The following NELL2 variants were observed in gnomAD, a reference collection of about 807,000 sequenced individuals.
NELL2 encodes protein kinase C-binding protein NELL2.
In NELL2, 41 loss-of-function variants were observed where a neutral mutation model predicts 109.6. The observed-to-expected ratio is 0.37, with a 90% CI of 0.29 to 0.49. The LOEUF (loss-of-function observed/expected upper bound fraction) is 0.49. Ranked by LOEUF, NELL2 falls within the 20% of genes least tolerant of loss-of-function variation. NELL2 has a pLI of 0.98. For missense variants in NELL2, 900 were observed against 1,008.3 expected, an observed-to-expected ratio of 0.89 and a Z score of 1.45; for synonymous variants, 355 against 344.7, an observed-to-expected ratio of 1.03 and a Z score of -0.33.
At chr12:44,678,807 A>T (rs1444766814) in intron 12 of NELL2, among the ~76,000 whole-genome samples, 1 of 152,118 alleles carries the variant, frequency 6.6e-6, no homozygotes, top group Non-Finnish European at 1.5e-5. Context: ...AAGTTGTCTG[A>T]TTTAACAATA....
chr12:44,587,284 A>AAAAAAATATATATATAT, intron 15 of NELL2, among the ~76,000 whole-genome samples: 1 of 72,216 alleles, frequency 1.4e-5, no homozygotes, highest in African/African-American at 5.1e-5. Flanking sequence ...AAAAAAAAAA[A>AAAAAAATATATATATAT]ATATATATAT....
At chr12:44,741,666 T>G (rs964672395) in intron 9 of NELL2, among the ~76,000 whole-genome samples, 12 of 152,234 alleles carry the variant, frequency 7.9e-5, no homozygotes, top group African/African-American at 2.7e-4. Flanking sequence ...ATCCCGCATC[T>G]GGCTCGGAGG....
intron 12 of NELL2, among the ~76,000 whole-genome samples, chr12:44,681,851 T>A (rs1321563791): frequency 1.3e-5 from 2 of 151,746 alleles, no homozygotes; most frequent in Non-Finnish European, 2.9e-5. Flanking sequence ...AAGTCTCTGC[T>A]ATTGTGAATA....
In NELL2 at chr12:44,607,273, A is replaced by T. The variant is rs201222854; in HGVS notation, c.1568-9T>A. On this transcript the variant is annotated splice_polypyrimidine_tract_variant and intron_variant, in intron 14 of 19. Coordinates refer to ENST00000429094, the MANE Select transcript of NELL2 (RefSeq NM_001145108.2). ...GCCATCTTTGCAAAATGCTAAAATA[A>T]TTCAGATACATGATTTTAGCACTTT... The T allele has an allele frequency of 6.2e-7, 1 of 1,608,538 alleles. No individual in the cohort carries two copies. The highest frequency in any genetic ancestry group is 8.5e-7 in the Non-Finnish European group (1 of 1,176,828).
At chr12:44,581,342 G>C (rs991830831) in intron 15 of NELL2, among the ~76,000 whole-genome samples, 4 of 152,020 alleles carry the variant, frequency 2.6e-5, no homozygotes, top group Non-Finnish European at 5.9e-5. Context: ...CTGCCCACTT[G>C]GCAAATAGAA....
chr12:44,581,025 T>C (rs1944303248), intron 15 of NELL2, among the ~76,000 whole-genome samples: 1 of 152,236 alleles, frequency 6.6e-6, no homozygotes. Context: ...ATGTAATATT[T>C]GCATGGGACA....
chr12:44,565,177 C>A (rs1015753052), intron 15 of NELL2, among the ~76,000 whole-genome samples: 2 of 152,068 alleles, frequency 1.3e-5, no homozygotes, highest in Non-Finnish European at 2.9e-5. Context: ...GAACATTCTT[C>A]CTCAGATCTG....
rs1413821693 is a variant in NELL2 at position 44,875,749 on chromosome 12, G to A, written c.55+66C>T. ...GTCCGGGAAAAGCGAGGCTTCCCCA[G>A]CCAGCCCATGCTGCCCCGAGGCGGG... On this transcript the variant is annotated intron_variant, in intron 1 of 19. Coordinates refer to ENST00000429094, the MANE Select transcript of NELL2 (RefSeq NM_001145108.2). 9.9e-6 allele frequency: 16 copies of A among 1,610,682 alleles called. No individual in the cohort carries two copies. In the Admixed American group the frequency reaches 1.2e-4, roughly 12 times the overall value.
intron 13 of NELL2, among the ~76,000 whole-genome samples, chr12:44,645,567 A>T (rs1057208896): frequency 4.6e-5 from 7 of 152,242 alleles, no homozygotes; most frequent in Admixed American, 2.6e-4. Flanking sequence ...TGGGAGAGAA[A>T]CATTTTCTTA....
At chr12:44,701,094 C>A (rs895676159) in intron 12 of NELL2, among the ~76,000 whole-genome samples, 6 of 152,088 alleles carry the variant, frequency 3.9e-5, no homozygotes, top group Middle Eastern at 6.8e-3. Flanking sequence ...TGCAAAATTG[C>A]ATTAAAAATG....
intron 15 of NELL2, among the ~76,000 whole-genome samples, chr12:44,557,061 G>A (rs915024911): frequency 6.6e-6 from 1 of 152,140 alleles, no homozygotes; most frequent in Non-Finnish European, 1.5e-5. Context: ...GTCCCCTGAA[G>A]CTCTCTCAGC....
At chr12:44,672,865 C>A (rs1380613660) in intron 12 of NELL2, among the ~76,000 whole-genome samples, 1 of 152,160 alleles carries the variant, frequency 6.6e-6, no homozygotes, top group Non-Finnish European at 1.5e-5. Context: ...AGTGACTTGT[C>A]CAATCTTCTT....
chr12:44,583,177 G>C (rs140873841), intron 15 of NELL2, among the ~76,000 whole-genome samples: 1 of 152,132 alleles, frequency 6.6e-6, no homozygotes, highest in Non-Finnish European at 1.5e-5. Flanking sequence ...AGGAAGGTAC[G>C]GTGGAAGAAT....
At chr12:44,639,047 A>T (rs1286283870) in intron 13 of NELL2, among the ~76,000 whole-genome samples, 5 of 152,152 alleles carry the variant, frequency 3.3e-5, no homozygotes, top group Non-Finnish European at 7.4e-5. Context: ...TTTCATGCCA[A>T]GTCTTCAAAT....
At chr12:44,920,431 T>C (rs1945860429) in intron 1 of NELL2, among the ~76,000 whole-genome samples, 1 of 152,172 alleles carries the variant, frequency 6.6e-6, no homozygotes, top group Non-Finnish European at 1.5e-5. Flanking sequence ...GAAGAAGATG[T>C]TTTGTATTGA....
At chr12:44,853,678 C>G (rs1944595499) in intron 2 of NELL2, among the ~76,000 whole-genome samples, 1 of 152,092 alleles carries the variant, frequency 6.6e-6, no homozygotes. Flanking sequence ...CTAATACTTA[C>G]ATTACAACAG....
chr12:44,592,758 G>A (rs1209756476), intron 15 of NELL2, among the ~76,000 whole-genome samples: 8 of 152,202 alleles, frequency 5.3e-5, no homozygotes, highest in African/African-American at 1.9e-4. Flanking sequence ...ATATGGCCAA[G>A]TGAGCACATT....
chr12:44,675,897 G>A (rs867982202), intron 12 of NELL2, among the ~76,000 whole-genome samples: 26 of 152,138 alleles, frequency 1.7e-4, no homozygotes, highest in Middle Eastern at 3.4e-3. Context: ...TGGACTCAAC[G>A]TCCAGACGAG....
chr12:44,615,521 G>A (rs1945787145), intron 13 of NELL2, among the ~76,000 whole-genome samples: 1 of 152,002 alleles, frequency 6.6e-6, no homozygotes, highest in South Asian at 2.1e-4. Flanking sequence ...TAGTAAATAG[G>A]GGAGTTGTGA....
Sources: allele counts gnomAD v4.1 joint callset (sites outside exome capture counted in the v4.1 genomes callset), GRCh38; gene constraint gnomAD v4.1.1; transcripts MANE v1.5; gene names NCBI Gene and HGNC (gene_info 2026-07-23, HGNC 2026-07-21).